Variants in PRKG1 observed in about 807,000 individuals in gnomAD.
PRKG1 encodes the protein cGMP-dependent protein kinase 1.
PRKG1 carries 35 observed loss-of-function variants against 88.1 expected under a neutral mutation model. That is an observed-to-expected ratio of 0.40 (90% CI 0.30 to 0.53). PRKG1 has a LOEUF of 0.53. Among genes scored for constraint, PRKG1 ranks in the 20% least tolerant of loss-of-function variants. The pLI is 0.59. For synonymous variants in PRKG1, 303 were observed against 292.5 expected, an observed-to-expected ratio of 1.04 and a Z score of -0.37; for missense variants, 540 against 839.8, an observed-to-expected ratio of 0.64 and a Z score of 4.41.
intron 3 of PRKG1, among the ~76,000 whole-genome samples, chr10:51,766,606 C>T (rs1838170410): frequency 6.6e-6 from 1 of 152,106 alleles, no homozygotes; most frequent in South Asian, 2.1e-4. Flanking sequence ...CAGGTTTCTT[C>T]CTCTTCTCCT....
intron 5 of PRKG1, among the ~76,000 whole-genome samples, chr10:51,950,398 T>C (rs1843154062): frequency 6.6e-6 from 1 of 152,224 alleles, no homozygotes; most frequent in Non-Finnish European, 1.5e-5. Flanking sequence ...TCAATTAGAC[T>C]TATATGAGAG....
At chr10:51,503,216 A>G (rs1841084995) in intron 3 of PRKG1, among the ~76,000 whole-genome samples, 1 of 151,892 alleles carries the variant, frequency 6.6e-6, no homozygotes, top group Non-Finnish European at 1.5e-5. Flanking sequence ...ATCTCTTTCC[A>G]ATGTTTGTTC....
At chr10:51,349,509 CTT>C (rs71029360) in intron 2 of PRKG1, among the ~76,000 whole-genome samples, 41 of 121,612 alleles carry the variant, frequency 3.4e-4, no homozygotes, top group Admixed American at 4.1e-4. Flanking sequence ...TGTATGTGTC[CTT>C]TTTTTTTTTT....
intron 1 of PRKG1, among the ~76,000 whole-genome samples, chr10:51,034,620 T>G (rs74884599): frequency 7.1e-6 from 1 of 140,330 alleles, no homozygotes; most frequent in East Asian, 2.1e-4. Flanking sequence ...ATTCACAACT[T>G]TTTTGCCCTA....
intron 5 of PRKG1, among the ~76,000 whole-genome samples, chr10:51,918,801 C>T (rs1842399448): frequency 6.6e-6 from 1 of 152,106 alleles, no homozygotes; most frequent in Non-Finnish European, 1.5e-5. Flanking sequence ...AAGTGATGCA[C>T]ACTGGTCTGA....
At chr10:51,227,962 C>A (rs749261142) in intron 2 of PRKG1, among the ~76,000 whole-genome samples, 1 of 152,042 alleles carries the variant, frequency 6.6e-6, no homozygotes, top group Non-Finnish European at 1.5e-5. Context: ...GCAACTCTAA[C>A]CTGTATGAAC....
At chr10:51,026,526 A>G (rs538130516) in intron 1 of PRKG1, among the ~76,000 whole-genome samples, 9 of 152,286 alleles carry the variant, frequency 5.9e-5, no homozygotes, top group Non-Finnish European at 1.2e-4. Context: ...CCTAGTGCCA[A>G]TCAGCCATCC....
intron 2 of PRKG1, among the ~76,000 whole-genome samples, chr10:51,421,283 C>A (rs890458431): frequency 6.6e-6 from 1 of 152,092 alleles, no homozygotes; most frequent in Non-Finnish European, 1.5e-5. Context: ...GCAATTTTCC[C>A]ACCTCAGCCT....
chr10:51,503,557 A>G (rs115508433), intron 3 of PRKG1, among the ~76,000 whole-genome samples: 1,548 of 152,324 alleles, frequency 0.01, 40 homozygotes, highest in African/African-American at 0.036. Flanking sequence ...ACATTGGCCT[A>G]AGCCAGGTCT....
intron 4 of PRKG1, among the ~76,000 whole-genome samples, chr10:51,892,624 A>G (rs950441085): frequency 1.3e-4 from 20 of 152,172 alleles, no homozygotes; most frequent in African/African-American, 4.8e-4. Flanking sequence ...AAAAATTATG[A>G]AATTATAAAG....
intron 1 of PRKG1, among the ~76,000 whole-genome samples, chr10:51,127,220 A>G (rs1343795864): frequency 6.6e-6 from 1 of 152,208 alleles, no homozygotes; most frequent in African/African-American, 2.4e-5. Flanking sequence ...CCATCCAACA[A>G]AGGTCTAGTA....
intron 2 of PRKG1, among the ~76,000 whole-genome samples, chr10:51,433,054 G>T (rs1337669183): frequency 6.6e-6 from 1 of 152,136 alleles, no homozygotes; most frequent in Non-Finnish European, 1.5e-5. Context: ...GGGACATTAT[G>T]AGCTAAGAGA....
intron 3 of PRKG1, among the ~76,000 whole-genome samples, chr10:51,492,071 G>T (rs1418120025): frequency 6.6e-6 from 1 of 152,064 alleles, no homozygotes; most frequent in Non-Finnish European, 1.5e-5. Context: ...TCTAAGTCAG[G>T]TCAATTTATC....
intron 3 of PRKG1, among the ~76,000 whole-genome samples, chr10:51,519,111 G>C (rs1178387317): frequency 1.3e-5 from 2 of 152,146 alleles, no homozygotes; most frequent in Non-Finnish European, 2.9e-5. Context: ...CATTCAACTT[G>C]AAGAAACACT....
At chr10:51,830,014 A>G (rs1285532851) in intron 4 of PRKG1, among the ~76,000 whole-genome samples, 1 of 152,156 alleles carries the variant, frequency 6.6e-6, no homozygotes, top group Non-Finnish European at 1.5e-5. Context: ...TTCTATAGTT[A>G]TGGTACCTAT....
intron 2 of PRKG1, among the ~76,000 whole-genome samples, chr10:51,278,917 T>C (rs1265438152): frequency 1.3e-5 from 2 of 152,122 alleles, no homozygotes; most frequent in African/African-American, 2.4e-5. Context: ...CCTGGATTCA[T>C]TGATTTTTTT....
At chr10:51,250,355 A>G (rs1444400852) in intron 2 of PRKG1, among the ~76,000 whole-genome samples, 2 of 151,806 alleles carry the variant, frequency 1.3e-5, no homozygotes, top group Non-Finnish European at 2.9e-5. Context: ...ATTGCTTGAA[A>G]CCTGAATTGG....
intron 3 of PRKG1, among the ~76,000 whole-genome samples, chr10:51,748,544 T>C (rs1837638072): frequency 6.6e-6 from 1 of 152,332 alleles, no homozygotes; most frequent in East Asian, 1.9e-4. Flanking sequence ...TGGTAGGGTA[T>C]ATGAGTGAAT....
chr10:51,625,177 C>G (rs1220260645), intron 3 of PRKG1, among the ~76,000 whole-genome samples: 5 of 152,028 alleles, frequency 3.3e-5, no homozygotes, highest in African/African-American at 9.7e-5. Flanking sequence ...TATGTGTGTA[C>G]AATTATAAAT....
Sources: gnomAD v4.1 joint callset for allele counts (sites outside exome capture counted in the v4.1 genomes callset) on GRCh38, gnomAD v4.1.1 for gene constraint, MANE v1.5 for transcripts, NCBI Gene and HGNC (gene_info 2026-07-23, HGNC 2026-07-21) for gene names.